Variants in NRXN3 observed in about 807,000 individuals in gnomAD.
NRXN3 encodes neurexin 3.
In NRXN3, 32 loss-of-function variants were observed where a neutral mutation model predicts 137.6. The observed-to-expected ratio is 0.23, with a 90% confidence interval of 0.18 to 0.31. The LOEUF is 0.31. Ranked by LOEUF, NRXN3 falls within the 10% of genes least tolerant of loss-of-function variation. NRXN3 has a pLI of 1.00. For synonymous variants in NRXN3, 798 were observed against 784.5 expected, an observed-to-expected ratio of 1.02 and a Z score of -0.29; for missense variants, 1,574 against 2,062.5, an observed-to-expected ratio of 0.76 and a Z score of 4.59.
intron 15 of NRXN3, among the ~76,000 whole-genome samples, chr14:79,345,010 C>T (rs2092796355): frequency 6.6e-6 from 1 of 152,180 alleles, no homozygotes; most frequent in South Asian, 2.1e-4. Flanking sequence ...CGGGCTTCAT[C>T]CAATATGCTC....
chr14:78,949,620 A>G (rs946994066), intron 10 of NRXN3, among the ~76,000 whole-genome samples: 8 of 152,026 alleles, frequency 5.3e-5, no homozygotes, highest in African/African-American at 1.9e-4. Flanking sequence ...AAACTACAAT[A>G]CAAGGAATAG....
chr14:79,634,972 C>A (rs1442599302), intron 16 of NRXN3, among the ~76,000 whole-genome samples: 1 of 152,122 alleles, frequency 6.6e-6, no homozygotes, highest in East Asian at 1.9e-4. Flanking sequence ...TCTAGGTTTA[C>A]CTTTGCTGCA....
intron 15 of NRXN3, among the ~76,000 whole-genome samples, chr14:79,146,690 T>C (rs2059332440): frequency 6.6e-6 from 1 of 152,120 alleles, no homozygotes; most frequent in African/African-American, 2.4e-5. Context: ...CGCAGTCTAA[T>C]CTTGGAAGGA....
intron 10 of NRXN3, among the ~76,000 whole-genome samples, chr14:78,952,443 C>G (rs577559604): frequency 1.4e-4 from 22 of 152,234 alleles, no homozygotes; most frequent in African/African-American, 5.3e-4. Context: ...CCTTATCATC[C>G]CTGCTTTTAC....
chr14:78,411,236 C>T (rs950508942), intron 4 of NRXN3, among the ~76,000 whole-genome samples: 23 of 152,160 alleles, frequency 1.5e-4, no homozygotes, highest in African/African-American at 4.3e-4. Context: ...GACTTCACAA[C>T]ACTAAGCATG....
chr14:78,569,217 C>G (rs2096865871), intron 4 of NRXN3, among the ~76,000 whole-genome samples: 1 of 151,216 alleles, frequency 6.6e-6, no homozygotes, highest in African/African-American at 2.4e-5. Flanking sequence ...GATCTTCCCG[C>G]CTCGGCCTCC....
At chr14:78,209,755 G>A (rs918025423) in intron 1 of NRXN3, among the ~76,000 whole-genome samples, 2 of 152,140 alleles carry the variant, frequency 1.3e-5, no homozygotes, top group African/African-American at 4.8e-5. Flanking sequence ...ATTTGGGTGA[G>A]GACACACAGC....
At chr14:78,175,805 T>C (rs1229504560) in intron 1 of NRXN3, among the ~76,000 whole-genome samples, 1 of 152,238 alleles carries the variant, frequency 6.6e-6, no homozygotes, top group African/African-American at 2.4e-5. Context: ...ACCAGCTTTC[T>C]AAAATAGTCC....
At chr14:79,186,009 T>C (rs1287786637) in intron 15 of NRXN3, among the ~76,000 whole-genome samples, 1 of 152,214 alleles carries the variant, frequency 6.6e-6, no homozygotes, top group African/African-American at 2.4e-5. Context: ...CCAGTTACTG[T>C]CTGTCTGACC....
intron 15 of NRXN3, among the ~76,000 whole-genome samples, chr14:79,410,851 A>G (rs1167503827): frequency 6.6e-6 from 1 of 152,130 alleles, no homozygotes; most frequent in Non-Finnish European, 1.5e-5. Context: ...GAAGCTCGCC[A>G]CAAAATTTGA....
chr14:78,571,517 CTG>C (rs1232336332), intron 4 of NRXN3, among the ~76,000 whole-genome samples: 1 of 152,174 alleles, frequency 6.6e-6, no homozygotes, highest in African/African-American at 2.4e-5. Flanking sequence ...TTGAATAAGA[CTG>C]TGTTTGAATA....
At chr14:78,552,497 A>G (rs2096701885) in intron 4 of NRXN3, among the ~76,000 whole-genome samples, 2 of 152,116 alleles carry the variant, frequency 1.3e-5, no homozygotes, top group African/African-American at 4.8e-5. Flanking sequence ...GCATGAAGTC[A>G]GCAAATAAAA....
At chr14:79,753,076 G>A (rs1357618817) in intron 19 of NRXN3, among the ~76,000 whole-genome samples, 1 of 151,284 alleles carries the variant, frequency 6.6e-6, no homozygotes, top group Non-Finnish European at 1.5e-5. Context: ...AACAACAGGT[G>A]CTGGAGAGGA....
chr14:79,860,451 C>T (rs2099411919), intron 20 of NRXN3, among the ~76,000 whole-genome samples: 1 of 152,154 alleles, frequency 6.6e-6, no homozygotes, highest in East Asian at 1.9e-4. Context: ...TTAAAAATCC[C>T]TATTGCTCAG....
At chr14:79,380,249 A>G (rs2094431467) in intron 15 of NRXN3, among the ~76,000 whole-genome samples, 1 of 148,622 alleles carries the variant, frequency 6.7e-6, no homozygotes, top group African/African-American at 2.5e-5. Context: ...CACAGTGTGC[A>G]GGTTAGTTAC....
At chr14:79,297,067 T>C (rs763953523) in intron 15 of NRXN3, among the ~76,000 whole-genome samples, 12 of 152,218 alleles carry the variant, frequency 7.9e-5, no homozygotes, top group Non-Finnish European at 1.6e-4. Flanking sequence ...CTTCCTTTGA[T>C]GGTCACCTAC....
chr14:78,769,826 A>G (rs2098720937), intron 8 of NRXN3, among the ~76,000 whole-genome samples: 1 of 152,180 alleles, frequency 6.6e-6, no homozygotes, highest in African/African-American at 2.4e-5. Flanking sequence ...GCAGGAGCAA[A>G]TGCATAGAGA....
chr14:79,558,559 CTT>C (rs953058150), intron 16 of NRXN3, among the ~76,000 whole-genome samples: 9 of 140,302 alleles, frequency 6.4e-5, no homozygotes, highest in African/African-American at 5.2e-5. Flanking sequence ...TTCTCTCTCT[CTT>C]TTTTTTTTTT....
intron 10 of NRXN3, among the ~76,000 whole-genome samples, chr14:78,926,288 T>C (rs1293541521): frequency 1.3e-5 from 2 of 152,020 alleles, no homozygotes; most frequent in Non-Finnish European, 2.9e-5. Context: ...ACAACAGTAA[T>C]TAAAAAAATA....
Sources: allele counts gnomAD v4.1 joint callset (sites outside exome capture counted in the v4.1 genomes callset), GRCh38; gene constraint gnomAD v4.1.1; transcripts MANE v1.5; gene names NCBI Gene and HGNC (gene_info 2026-07-23, HGNC 2026-07-21).